The following ROBO2 variants were observed in gnomAD, a reference collection of about 807,000 sequenced individuals.
The protein encoded by ROBO2 is roundabout guidance receptor 2, also known as roundabout homolog 2.
A neutral mutation model predicts 160.8 loss-of-function variants in ROBO2; 53 were observed. The ratio of observed to expected loss-of-function variants is 0.33; its 90% confidence interval spans 0.26 to 0.41. The LOEUF is 0.41. Ranked by LOEUF, ROBO2 falls within the 10% of genes least tolerant of loss-of-function variation. The probability of loss-of-function intolerance (pLI) is 1.00; values close to 1 mark genes in which losing one functional copy is unlikely to be tolerated. For synonymous variants in ROBO2, 664 were observed against 611.7 expected, an observed-to-expected ratio of 1.09 and a Z score of -1.26; for missense variants, 1,577 against 1,722.4, an observed-to-expected ratio of 0.92 and a Z score of 1.49.
At chr3:76,523,799 A>G (rs2081774701) in intron 2 of ROBO2, among the ~76,000 whole-genome samples, 1 of 152,150 alleles carries the variant, frequency 6.6e-6, no homozygotes, top group Non-Finnish European at 1.5e-5. Context: ...TAAATGCTAT[A>G]GTTATTAGGG....
chr3:76,636,032 CT>C (rs1404106406), intron 2 of ROBO2, among the ~76,000 whole-genome samples: 1 of 152,102 alleles, frequency 6.6e-6, no homozygotes, highest in African/African-American at 2.4e-5. Context: ...ACATTTGAGA[CT>C]TAATTATCTA....
chr3:77,220,507 A>G (rs1377497175), intron 2 of ROBO2, among the ~76,000 whole-genome samples: 1 of 152,094 alleles, frequency 6.6e-6, no homozygotes, highest in Non-Finnish European at 1.5e-5. Context: ...TTTTATACGA[A>G]TAAAATATTT....
intron 2 of ROBO2, among the ~76,000 whole-genome samples, chr3:77,424,955 T>C (rs1005038005): frequency 6.6e-6 from 1 of 152,166 alleles, no homozygotes; most frequent in African/African-American, 2.4e-5. Context: ...GCAACACAAG[T>C]ATCCCTTCCC....
At chr3:76,279,766 CACATA>C (rs1559714353) in intron 2 of ROBO2, among the ~76,000 whole-genome samples, 1 of 151,852 alleles carries the variant, frequency 6.6e-6, no homozygotes, top group African/African-American at 2.4e-5. Context: ...CATAACGTAA[CACATA>C]ACATAAAAGA....
At chr3:76,442,500 G>C (rs1393661738) in intron 2 of ROBO2, among the ~76,000 whole-genome samples, 3 of 152,128 alleles carry the variant, frequency 2.0e-5, no homozygotes, top group Admixed American at 1.3e-4. Context: ...ACCTTTCCCA[G>C]AGCAAATGCT....
intron 2 of ROBO2, among the ~76,000 whole-genome samples, chr3:77,001,766 T>C (rs1225841426): frequency 1.3e-5 from 2 of 151,992 alleles, no homozygotes; most frequent in South Asian, 2.1e-4. Context: ...AAGCTAACAA[T>C]TCTAGAACTA....
chr3:76,599,056 A>G (rs1274047637), intron 2 of ROBO2, among the ~76,000 whole-genome samples: 1 of 152,160 alleles, frequency 6.6e-6, no homozygotes, highest in African/African-American at 2.4e-5. Flanking sequence ...GTGTATATAC[A>G]TTAAAACAAA....
At chr3:76,187,418 G>A (rs992997051) in intron 2 of ROBO2, among the ~76,000 whole-genome samples, 1 of 151,092 alleles carries the variant, frequency 6.6e-6, no homozygotes, top group African/African-American at 2.4e-5. Context: ...GGGACAACAG[G>A]TGTGCACCAC....
At chr3:76,995,170 A>G (rs570629430) in intron 2 of ROBO2, among the ~76,000 whole-genome samples, 133 of 141,606 alleles carry the variant, frequency 9.4e-4, no homozygotes, top group Non-Finnish European at 1.6e-3. Flanking sequence ...TCATTGTTCA[A>G]TTCCCACCTA....
chr3:77,495,163 A>T (rs1456139417), intron 5 of ROBO2, among the ~76,000 whole-genome samples: 1 of 152,216 alleles, frequency 6.6e-6, no homozygotes, highest in Admixed American at 6.5e-5. Context: ...TGTAAGGTGA[A>T]GAGATTAATT....
At chr3:77,386,833 C>T (rs1001247674) in intron 2 of ROBO2, among the ~76,000 whole-genome samples, 2 of 151,728 alleles carry the variant, frequency 1.3e-5, no homozygotes, top group Non-Finnish European at 2.9e-5. Flanking sequence ...TAACTTCTGA[C>T]CTCAGATGAC....
At chr3:76,453,803 A>G (rs554258422) in intron 2 of ROBO2, among the ~76,000 whole-genome samples, 1 of 152,306 alleles carries the variant, frequency 6.6e-6, no homozygotes, top group South Asian at 2.1e-4. Context: ...TTTGTGATAT[A>G]TGATTTAGTA....
intron 2 of ROBO2, among the ~76,000 whole-genome samples, chr3:76,917,661 G>A (rs918861636): frequency 1.3e-4 from 20 of 152,058 alleles, no homozygotes; most frequent in Non-Finnish European, 8.8e-5. Flanking sequence ...GGTTTGTAGG[G>A]CCTTCTCATT....
intron 2 of ROBO2, among the ~76,000 whole-genome samples, chr3:76,030,437 T>G (rs973178064): frequency 3.9e-5 from 6 of 152,210 alleles, no homozygotes; most frequent in Non-Finnish European, 8.8e-5. Flanking sequence ...ATGAAGTCCT[T>G]GCCCATGCCT....
intron 2 of ROBO2, among the ~76,000 whole-genome samples, chr3:76,809,278 T>A (rs1299788138): frequency 6.6e-6 from 1 of 152,088 alleles, no homozygotes; most frequent in Non-Finnish European, 1.5e-5. Flanking sequence ...GCAGAATTCA[T>A]ATCATTATGG....
At chr3:76,525,402 T>C (rs1179626657) in intron 2 of ROBO2, among the ~76,000 whole-genome samples, 1 of 152,004 alleles carries the variant, frequency 6.6e-6, no homozygotes, top group Non-Finnish European at 1.5e-5. Context: ...GATATAATTT[T>C]GTCTCTGACA....
chr3:76,469,027 C>A (rs771614384), intron 2 of ROBO2, among the ~76,000 whole-genome samples: 1 of 152,000 alleles, frequency 6.6e-6, no homozygotes, highest in African/African-American at 2.4e-5. Context: ...ACCTTTGATC[C>A]TGTTGAATGT....
intron 6 of ROBO2, among the ~76,000 whole-genome samples, chr3:77,540,941 C>G (rs2092433476): frequency 6.6e-6 from 1 of 152,112 alleles, no homozygotes; most frequent in Non-Finnish European, 1.5e-5. Flanking sequence ...CAGTTTGTGA[C>G]TAAGTGAAAT....
At chr3:76,650,336 G>T (rs962434900) in intron 2 of ROBO2, among the ~76,000 whole-genome samples, 9 of 152,054 alleles carry the variant, frequency 5.9e-5, no homozygotes, top group Non-Finnish European at 1.3e-4. Flanking sequence ...GCGTGCCTTC[G>T]TTCTTTCCCT....
Sources: gnomAD v4.1 joint callset for allele counts (sites outside exome capture counted in the v4.1 genomes callset) on GRCh38, gnomAD v4.1.1 for gene constraint, MANE v1.5 for transcripts, NCBI Gene and HGNC (gene_info 2026-07-23, HGNC 2026-07-21) for gene names.